Variants in SEMA3A observed in about 807,000 individuals in gnomAD.
The protein encoded by SEMA3A is semaphorin 3A.
In SEMA3A, 29 loss-of-function variants were observed where a neutral mutation model predicts 97.9. The ratio of observed to expected loss-of-function variants is 0.30; its 90% CI spans 0.22 to 0.40. SEMA3A has a LOEUF of 0.40. SEMA3A is among the 10% of genes least tolerant of loss of function. The pLI is 1.00. For synonymous variants in SEMA3A, 321 were observed against 323.7 expected (o/e 0.99, Z 0.09); for missense variants, 763 against 951.3 (o/e 0.80, Z 2.60).
At chr7:84,427,223 C>T (rs73710476) in intron 1 of SEMA3A, among the ~76,000 whole-genome samples, 1 of 152,190 alleles carries the variant, frequency 6.6e-6, no homozygotes, top group South Asian at 2.1e-4. Flanking sequence ...AACCATCCCC[C>T]ACAATGAAGG....
At chr7:84,362,215 A>C (rs904884750) in intron 2 of SEMA3A, among the ~76,000 whole-genome samples, 4 of 151,598 alleles carry the variant, frequency 2.6e-5, no homozygotes, top group Non-Finnish European at 5.9e-5. Flanking sequence ...ACCCCATGCT[A>C]AATAAATAAA....
At chr7:84,049,723 TATTATTATA>T (rs1792522196) in intron 5 of SEMA3A, among the ~76,000 whole-genome samples, 2 of 151,950 alleles carry the variant, frequency 1.3e-5, no homozygotes, top group Admixed American at 6.6e-5. Flanking sequence ...TTTTTAAAAT[TATTATTATA>T]CTTTAAGTTT....
intron 3 of SEMA3A, 38 bp downstream of exon 3, chr7:84,129,085 A>G (rs761868716): frequency 6.8e-7 from 1 of 1,479,122 alleles, no homozygotes; most frequent in African/African-American, 1.4e-5. Flanking sequence ...AATGAAGGAT[A>G]CTCAACCTGT....
intron 1 of SEMA3A, among the ~76,000 whole-genome samples, chr7:84,151,157 A>G (rs1023156817): frequency 4.6e-5 from 7 of 151,636 alleles, no homozygotes; most frequent in African/African-American, 1.4e-4. Context: ...GAACAGAAAA[A>G]CTGGAAACTC....
chr7:84,333,642 T>C (rs992782664), intron 2 of SEMA3A, among the ~76,000 whole-genome samples: 3 of 152,106 alleles, frequency 2.0e-5, no homozygotes, highest in Non-Finnish European at 4.4e-5. Flanking sequence ...AGTAAGAACA[T>C]AATCTGGTAA....
At chr7:84,268,714 A>G (rs563027181) in intron 3 of SEMA3A, among the ~76,000 whole-genome samples, 2 of 152,106 alleles carry the variant, frequency 1.3e-5, no homozygotes, top group Non-Finnish European at 2.9e-5. Context: ...GGAAGCAAGG[A>G]GGTTATTATT....
intron 11 of SEMA3A, among the ~76,000 whole-genome samples, chr7:84,003,861 C>T (rs71539313): frequency 0.89 from 134,901 of 151,900 alleles, 60,150 homozygotes; most frequent in African/African-American, 0.97. Context: ...AATTCATTGC[C>T]TTTATGAAAC....
intron 4 of SEMA3A, among the ~76,000 whole-genome samples, chr7:84,069,147 C>T (rs1793650883): frequency 2.0e-5 from 3 of 152,118 alleles, no homozygotes; most frequent in African/African-American, 7.2e-5. Context: ...ACACTTCTTA[C>T]ACATGTTTGT....
intron 3 of SEMA3A, among the ~76,000 whole-genome samples, chr7:84,200,699 AC>A (rs1333292612): frequency 1.3e-5 from 2 of 152,016 alleles, no homozygotes; most frequent in Admixed American, 1.3e-4. Context: ...TGTCATCACT[AC>A]AGCTACTTTG....
intron 3 of SEMA3A, among the ~76,000 whole-genome samples, chr7:84,298,213 A>G (rs1404133291): frequency 6.6e-6 from 1 of 152,208 alleles, no homozygotes; most frequent in Admixed American, 6.5e-5. Flanking sequence ...TATTGCCATC[A>G]TTCATAATAA....
chr7:84,011,161 T>C (rs765769408), intron 8 of SEMA3A, 22 bp downstream of exon 8: 2 of 1,604,638 alleles, frequency 1.2e-6, no homozygotes, highest in East Asian at 4.5e-5. Flanking sequence ...ATATTCTCTA[T>C]ACATAAACAC....
At chr7:83,998,714 C>T (rs1157129407) in intron 12 of SEMA3A, among the ~76,000 whole-genome samples, 1 of 152,138 alleles carries the variant, frequency 6.6e-6, no homozygotes, top group East Asian at 1.9e-4. Flanking sequence ...TATTGTACAC[C>T]TGTCCCAACA....
At chr7:84,098,560 A>C (rs1794849756) in intron 4 of SEMA3A, among the ~76,000 whole-genome samples, 1 of 152,060 alleles carries the variant, frequency 6.6e-6, no homozygotes, top group Admixed American at 6.6e-5. Context: ...TAATCTTTTA[A>C]AGGACTCTGT....
rs569570342 is a variant in SEMA3A at position 84,327,915 on chromosome 7, T to C, written c.-168-20623A>G. On this transcript the variant is annotated intron_variant, in intron 2 of 3. Transcript: ENST00000424555. ...GCCAGAGTTAAAATGTAAACTAGGA[T>C]TAATGGCAACAATATAATGTAATAT... 2.0e-5 allele frequency among the ~76,000 whole-genome samples: 3 copies of C among 152,104 alleles called. No homozygotes were observed. In the South Asian group the frequency reaches 6.2e-4, roughly 31 times the overall value.
chr7:84,364,266 T>C (rs1365137753), intron 2 of SEMA3A, among the ~76,000 whole-genome samples: 1 of 151,856 alleles, frequency 6.6e-6, no homozygotes, highest in South Asian at 2.1e-4. Flanking sequence ...TATACTGACA[T>C]AATCCTTAGT....
intron 3 of SEMA3A, among the ~76,000 whole-genome samples, chr7:84,118,827 C>T (rs1795512121): frequency 6.6e-6 from 1 of 152,156 alleles, no homozygotes; most frequent in Non-Finnish European, 1.5e-5. Context: ...CAGGCAGTAG[C>T]CTTCCATAGA....
intron 5 of SEMA3A, among the ~76,000 whole-genome samples, chr7:84,051,700 A>C (rs1262619141): frequency 6.6e-6 from 1 of 152,010 alleles, no homozygotes; most frequent in East Asian, 1.9e-4. Context: ...AATACCCTTT[A>C]TTTCTTTCTC....
chr7:84,290,390 T>C (rs554900443), intron 3 of SEMA3A, among the ~76,000 whole-genome samples: 1 of 152,244 alleles, frequency 6.6e-6, no homozygotes, highest in South Asian at 2.1e-4. Flanking sequence ...TTTATATTGC[T>C]TTCCATGTTA....
intron 3 of SEMA3A, among the ~76,000 whole-genome samples, chr7:84,114,316 T>G (rs1438333291): frequency 6.6e-6 from 1 of 152,206 alleles, no homozygotes; most frequent in African/African-American, 2.4e-5. Context: ...AGAAGACTTG[T>G]GAACGTGAAC....
Sources: allele counts gnomAD v4.1 joint callset (sites outside exome capture counted in the v4.1 genomes callset), GRCh38; gene constraint gnomAD v4.1.1; transcripts MANE v1.5; gene names NCBI Gene and HGNC (gene_info 2026-07-23, HGNC 2026-07-21).